MLLT1: variants seen among roughly 807,000 people sequenced by gnomAD.
MLLT1 encodes protein ENL.
Under a neutral mutation model 55.1 loss-of-function variants are expected in MLLT1, and 11 were observed. The ratio of observed to expected loss-of-function variants is 0.20; its 90% CI spans 0.13 to 0.33. The LOEUF is 0.33. Ranked by LOEUF, MLLT1 falls within the 10% of genes least tolerant of loss-of-function variation. The pLI is 1.00. For synonymous variants in MLLT1, 323 were observed against 320.1 expected (o/e 1.01, Z -0.10); for missense variants, 536 against 760.6 (o/e 0.70, Z 3.47).
At chr19:6,261,402 C>T (rs2062250662) in intron 3 of MLLT1, among the ~76,000 whole-genome samples, 1 of 152,200 alleles carries the variant, frequency 6.6e-6, no homozygotes, top group Admixed American at 6.6e-5. Flanking sequence ...GGAATGGCAG[C>T]CACGCAGCCC....
At chr19:6,251,463 G>A (rs2091213607) in intron 3 of MLLT1, among the ~76,000 whole-genome samples, 1 of 152,174 alleles carries the variant, frequency 6.6e-6, no homozygotes. Flanking sequence ...GCAGAGCCCT[G>A]GTCCTGAGCT....
chr19:6,256,254 T>TAAATAAAA lies in MLLT1; in HGVS notation c.276+5973_276+5974insTTTTATTT, dbSNP rs776012193. On this transcript the variant is annotated intron_variant, in intron 3 of 11. Coordinates refer to ENST00000252674, the MANE Select transcript of MLLT1 (RefSeq NM_005934.4). This position sits in a 1 kb window ranked among gnomAD's most constrained non-coding sequence, Gnocchi z 4.1. ...ATAAATAAATAAATAAATAAATAAA[T>TAAATAAAA]AAAAAGACCAGCCTGGGCAACACAA... 9.6e-3 allele frequency among the ~76,000 whole-genome samples: 1,427 copies of TAAATAAAA among 148,290 alleles called. 22 individuals carry two copies. Among genetic ancestry groups the TAAATAAAA allele is most frequent in the African/African-American group, 0.034 (1,341 of 40,018 alleles).
At chr19:6,260,040 G>A (rs2091290772) in intron 3 of MLLT1, among the ~76,000 whole-genome samples, 1 of 152,158 alleles carries the variant, frequency 6.6e-6, no homozygotes, top group African/African-American at 2.4e-5. Context: ...CACGCTTGGG[G>A]CCTTCCAGAG....
At chr19:6,260,317 C>T (rs1404295026) in intron 3 of MLLT1, among the ~76,000 whole-genome samples, 1 of 152,180 alleles carries the variant, frequency 6.6e-6, no homozygotes, top group Non-Finnish European at 1.5e-5. Context: ...AGAAACAGCC[C>T]TGGAGTCTGC....
At position 6,239,342 on chromosome 19, in the gene MLLT1, G is replaced by A. The variant is rs1221826536; in HGVS notation, c.277-8629C>T. Among the ~76,000 whole-genome samples, 4 of 152,218 alleles carry A rather than the reference G, an allele frequency of 2.6e-5. No homozygotes were observed. The East Asian group carries it at 5.8e-4, about 22-fold the overall frequency. On this transcript the variant is annotated intron_variant, in intron 3 of 11. Coordinates refer to ENST00000252674, the MANE Select transcript of MLLT1 (RefSeq NM_005934.4). ...ACCCACAGAGTATAAACCAACGTAC[G>A]AGGGGTCACCGAGGCACCCCTGCAG...
Position 6,222,409 on chromosome 19 carries a change from G to A in MLLT1, c.822C>T (p.Pro274=). 2 of 489,350 alleles carry A rather than the reference G, an allele frequency of 4.1e-6. No homozygotes were observed. 30.3% of individuals were successfully genotyped at this position (489,350 alleles called of 1,614,324 possible). The change falls in exon 6 of 12, where the codon CCC becomes CCT. Residue 274 remains proline (P), a synonymous_variant. Transcript: ENST00000252674. This position sits in a 1 kb window ranked among gnomAD's most constrained non-coding sequence, Gnocchi z 4.1. ...AAGCCCGGGGTGGGGGTGGGGGTGGGGGTGGGGGCCCACCCTTGGGGGACG... is the reference window on the plus strand; with the variant it reads ...AAGCCCGGGGTGGGGGTGGGGGTGGAGGTGGGGGCCCACCCTTGGGGGACG... ...ESTSPKGGPP[P]PPPPPPRASS...
intron 8 of MLLT1, among the ~76,000 whole-genome samples, chr19:6,215,849 G>A (rs2090837629): frequency 6.6e-6 from 1 of 152,194 alleles, no homozygotes; most frequent in Non-Finnish European, 1.5e-5. Flanking sequence ...CGAGCGCATG[G>A]AGCTCTCCCA....
In MLLT1 at chr19:6,229,659, T is replaced by C. The variant is rs1223793891; in HGVS notation, c.420+911A>G. ...CATACATGACACAGCAGACAGCGTA[T>C]GTACATACCACACAACACACACACA... On this transcript the variant is annotated intron_variant, in intron 4 of 11. Transcript: ENST00000252674. This position sits in a 1 kb window ranked among gnomAD's most constrained non-coding sequence, Gnocchi z 5.2. 6.6e-6 allele frequency among the ~76,000 whole-genome samples: 1 copy of C among 150,736 alleles called. No individual in the cohort carries two copies. Among genetic ancestry groups the C allele is most frequent in the African/African-American group, 2.4e-5 (1 of 40,834 alleles).
chr19:6,220,824 C>A (rs994738613), intron 6 of MLLT1, among the ~76,000 whole-genome samples: 3 of 152,208 alleles, frequency 2.0e-5, no homozygotes, highest in Non-Finnish European at 4.4e-5. Context: ...CGGTGCCCAG[C>A]AGGCACCGCC....
intron 8 of MLLT1, among the ~76,000 whole-genome samples, chr19:6,214,966 C>T (rs2090824825): frequency 6.6e-6 from 1 of 152,178 alleles, no homozygotes; most frequent in Admixed American, 6.5e-5. Context: ...CCACTCTCTG[C>T]AGCTGCCTCC....
intron 3 of MLLT1, among the ~76,000 whole-genome samples, chr19:6,237,763 CAAAAAAAAA>C: frequency 1.4e-5 from 1 of 71,772 alleles, no homozygotes; most frequent in South Asian, 4.5e-4. Context: ...ACTCTTGTCT[CAAAAAAAAA>C]AAAAAAAAAA....
At chr19:6,248,755 C>T (rs764490431) in intron 3 of MLLT1, among the ~76,000 whole-genome samples, 15 of 152,160 alleles carry the variant, frequency 9.9e-5, no homozygotes, top group African/African-American at 1.7e-4. Flanking sequence ...CAAGGCAAGT[C>T]CCTAGTTTAG....
rs1017197630 is a variant in MLLT1, at chr19:6,273,919, C to T, written c.13-3160G>A. ...GTTATTGTGAAAGAGTGAAAGACCG[C>T]GGTTCCACTGGAGAGGGGGAGGATG... On this transcript the variant is annotated intron_variant, in intron 1 of 11. Coordinates refer to ENST00000252674, the MANE Select transcript of MLLT1 (RefSeq NM_005934.4). The surrounding 1 kb of genome is among the most constrained non-coding windows in gnomAD (Gnocchi z 4.3). 6.6e-6 allele frequency among the ~76,000 whole-genome samples: 1 copy of T among 152,214 alleles called. No individual in the cohort carries two copies. Among genetic ancestry groups the T allele is most frequent in the Admixed American group, 6.5e-5 (1 of 15,288 alleles).
intron 2 of MLLT1, among the ~76,000 whole-genome samples, chr19:6,268,808 A>G (rs1453458739): frequency 6.6e-6 from 1 of 152,208 alleles, no homozygotes; most frequent in Non-Finnish European, 1.5e-5. Flanking sequence ...GGAGCTCAAG[A>G]CAAGCCTGGG....
At chr19:6,258,424 C>T (rs1244319830) in intron 3 of MLLT1, among the ~76,000 whole-genome samples, 1 of 152,096 alleles carries the variant, frequency 6.6e-6, no homozygotes, top group Non-Finnish European at 1.5e-5. Context: ...TTGAGCTGCC[C>T]AACACGCATG....
rs1472081031 is a variant in MLLT1, at chr19:6,256,158, G to A, written c.276+6070C>T. On this transcript the variant is annotated intron_variant, in intron 3 of 11. Coordinates refer to ENST00000252674, the MANE Select transcript of MLLT1 (RefSeq NM_005934.4). The surrounding 1 kb of genome is among the most constrained non-coding windows in gnomAD (Gnocchi z 4.1). ...CTTGAACCTGGGAGGCAGAGGTTGC[G>A]ATGAGCCAGGATCGTGCCACTGCAC... is the stretch of plus-strand genomic sequence containing the variant. Among the ~76,000 whole-genome samples the A allele has an allele frequency of 2.0e-5, 3 of 151,488 alleles. No homozygotes were observed. Among genetic ancestry groups the A allele is most frequent in the African/African-American group, 7.3e-5 (3 of 41,116 alleles).
rs2090966252 is a variant in MLLT1, at chr19:6,227,425, G to C, written c.421-323C>G. The stretch of plus-strand genomic sequence containing the variant: ...GCACACTGAGAATCATGAGAAGGCA[G>C]CTGCGGCCGAAGCCTGACCTACGCG... On this transcript the variant is annotated intron_variant, in intron 4 of 11. Coordinates refer to ENST00000252674, the MANE Select transcript of MLLT1 (RefSeq NM_005934.4). The surrounding 1 kb of genome is among the most constrained non-coding windows in gnomAD (Gnocchi z 5.1). Among the ~76,000 whole-genome samples, 2 of 152,264 alleles carry C rather than the reference G, an allele frequency of 1.3e-5. No individual in the cohort carries two copies. The highest frequency in any genetic ancestry group is 6.5e-5 in the Admixed American group (1 of 15,290).
chr19:6,278,083 C>G (rs1451751789), intron 1 of MLLT1, among the ~76,000 whole-genome samples: 1 of 151,924 alleles, frequency 6.6e-6, no homozygotes, highest in African/African-American at 2.4e-5. Context: ...TCTTGCCCCC[C>G]ACCCATGAAA....
chr19:6,216,499 T>A lies in MLLT1; in HGVS notation c.1213A>T (p.Met405Leu). ...TCCTCGGACTGCAGGTCCTCCACCA[T>A]GGAGCGCAGGGGTCCTGGGGAGGCG... ...QNHSQGPLRSMVEDLQSEESD... is the reference protein window; with the variant it reads ...QNHSQGPLRSLVEDLQSEESD... Residue 405 changes from methionine (M) to leucine (L), a missense_variant, in exon 8 of 12, where the codon ATG becomes TTG. Around this residue, in one of 3 missense-constraint regions of MLLT1, gnomAD observed 449 missense variants for 489.0 expected, o/e 0.92. Coordinates refer to ENST00000252674, the MANE Select transcript of MLLT1 (RefSeq NM_005934.4). 6.3e-7 allele frequency: 1 copy of A among 1,583,994 alleles called. No individual in the cohort carries two copies. Among genetic ancestry groups the A allele is most frequent in the Non-Finnish European group, 8.6e-7 (1 of 1,164,232 alleles).
Sources: allele counts gnomAD v4.1 joint callset (sites outside exome capture counted in the v4.1 genomes callset), GRCh38; gene constraint gnomAD v4.1.1; regional missense constraint gnomAD v4.1.1; non-coding constraint Gnocchi (gnomAD v3.1); transcripts MANE v1.5; gene names NCBI Gene and HGNC (gene_info 2026-07-23, HGNC 2026-07-21).